The following THSD7A variants were observed in gnomAD, a reference collection of about 807,000 sequenced individuals.
The protein encoded by THSD7A is thrombospondin type 1 domain containing 7A.
In THSD7A, 96 loss-of-function variants were observed where a neutral mutation model predicts 231.3. The observed-to-expected ratio is 0.41, with a 90% CI of 0.35 to 0.49. THSD7A has a LOEUF of 0.49. Among genes scored for constraint, THSD7A ranks in the 20% least tolerant of loss-of-function variants. The pLI, the probability that THSD7A is intolerant of heterozygous loss-of-function variation, is 0.05. For synonymous variants in THSD7A, 940 were observed against 743.3 expected, an observed-to-expected ratio of 1.26 and a Z score of -4.30; for missense variants, 2,290 against 2,070.2, an observed-to-expected ratio of 1.11 and a Z score of -2.06.
chr7:11,474,499 A>C lies in THSD7A; in HGVS notation c.2087T>G (p.Val696Gly), dbSNP rs756014674. 2 of 1,613,610 alleles carry C rather than the reference A, an allele frequency of 1.2e-6. No homozygotes were observed. The highest frequency in any genetic ancestry group is 4.5e-5 in the East Asian group (2 of 44,820). ...VRSCNEHPCT[V>G]YHWQTGPWGQ... ...CCAGGGACCAGTTTGCCAGTGGTAC[A>C]CTGTGCAAGGATGCTCATTACAGCT... The change falls in exon 8 of 28, where the codon GTG (valine) becomes GGG (glycine). Residue 696 changes from valine (V) to glycine (G), a missense_variant. Val to Gly is a moderately radical substitution (Grantham distance 109, BLOSUM62 -3). Transcript: ENST00000423059. The surrounding 1 kb of genome is among the most constrained non-coding windows in gnomAD (Gnocchi z 4.1).
intron 1 of THSD7A, among the ~76,000 whole-genome samples, chr7:11,645,729 A>G (rs1526556): frequency 0.15 from 23,407 of 151,750 alleles, 1,952 homozygotes; most frequent in Admixed American, 0.21. Flanking sequence ...TTTCATATTT[A>G]TATAGTACAG....
chr7:11,565,626 G>A (rs1790277429), intron 4 of THSD7A, among the ~76,000 whole-genome samples: 1 of 152,074 alleles, frequency 6.6e-6, no homozygotes, highest in African/African-American at 2.4e-5. Flanking sequence ...GGGTTAGAGA[G>A]AGAAGAATCA....
chr7:11,578,452 A>T (rs1190225319), intron 4 of THSD7A, among the ~76,000 whole-genome samples: 2 of 152,210 alleles, frequency 1.3e-5, no homozygotes, highest in African/African-American at 4.8e-5. Context: ...CTGTCTTTTT[A>T]AAAGATATTT....
At chr7:11,531,880 A>G (rs1173460261) in intron 6 of THSD7A, among the ~76,000 whole-genome samples, 1 of 152,174 alleles carries the variant, frequency 6.6e-6, no homozygotes, top group Non-Finnish European at 1.5e-5. Context: ...TAGGAAACAG[A>G]GGAAGTAGCA....
chr7:11,619,629 C>A (rs1212839062), intron 2 of THSD7A, among the ~76,000 whole-genome samples: 1 of 151,866 alleles, frequency 6.6e-6, no homozygotes, highest in Non-Finnish European at 1.5e-5. Flanking sequence ...AGTATCTTGT[C>A]CAGGCTCGTC....
chr7:11,425,521 C>G (rs1784289051), intron 15 of THSD7A, among the ~76,000 whole-genome samples: 1 of 151,996 alleles, frequency 6.6e-6, no homozygotes, highest in South Asian at 2.1e-4. Flanking sequence ...TCCATAAAGC[C>G]TTTCAGTCCC....
intron 13 of THSD7A, among the ~76,000 whole-genome samples, chr7:11,429,534 C>T (rs961485050): frequency 2.6e-5 from 4 of 152,200 alleles, no homozygotes; most frequent in Admixed American, 6.5e-5. Flanking sequence ...GTCCATGCAA[C>T]GTTCTTTCTT....
At chr7:11,627,725 TTTTTGAATTATAA>T (rs1384183321) in intron 2 of THSD7A, among the ~76,000 whole-genome samples, 15 of 152,110 alleles carry the variant, frequency 9.9e-5, no homozygotes, top group Non-Finnish European at 1.9e-4. Context: ...AGTCAAGTTA[TTTTTGAATTATAA>T]TTTTGGTCAG....
At chr7:11,689,484 T>C (rs1438573726) in intron 1 of THSD7A, among the ~76,000 whole-genome samples, 1 of 151,638 alleles carries the variant, frequency 6.6e-6, no homozygotes, top group Non-Finnish European at 1.5e-5. Flanking sequence ...AAAGAAAGAG[T>C]CCATACTCCT....
chr7:11,413,687 G>C (rs532450984), intron 17 of THSD7A: 2 of 152,346 alleles, frequency 1.3e-5, no homozygotes, highest in African/African-American at 2.4e-5. Context: ...GGCTGGGAGA[G>C]GAGAGGAACC....
chr7:11,814,851 G>C lies in THSD7A; in HGVS notation c.190+16906C>G, dbSNP rs1412364819. 6.6e-6 allele frequency among the ~76,000 whole-genome samples: 1 copy of C among 152,122 alleles called. No homozygotes were observed. The highest frequency in any genetic ancestry group is 2.1e-4 in the South Asian group (1 of 4,828). On this transcript the variant is annotated intron_variant, in intron 1 of 27. Transcript: ENST00000423059. This position sits in a 1 kb window ranked among gnomAD's most constrained non-coding sequence, Gnocchi z 5.1. ...TCTCAAAAGAAGCTGTTTGATAAGA[G>C]TGATTGGATCTTCTGATCTTTGCTG...
At position 11,657,489 on chromosome 7, in the gene THSD7A, T is replaced by C. The variant is rs112806833; in HGVS notation, c.191-20528A>G. On this transcript the variant is annotated intron_variant, in intron 1 of 27. Transcript: ENST00000423059. ...TTACTATGGGTAAATCCTTGACTAA[T>C]ATACTCTTCAATGCCTAACTATAGG... Among the ~76,000 whole-genome samples the C allele has an allele frequency of 4.0e-3, 605 of 151,910 alleles. 4 individuals are homozygous for C. The highest frequency in any genetic ancestry group is 0.014 in the African/African-American group (564 of 41,510).
intron 6 of THSD7A, among the ~76,000 whole-genome samples, chr7:11,523,190 A>G: frequency 6.6e-6 from 1 of 152,258 alleles, no homozygotes; most frequent in Admixed American, 6.5e-5. Flanking sequence ...TTATATAAAA[A>G]CGATTCAACA....
chr7:11,680,077 C>CA (rs1271480415), intron 1 of THSD7A, among the ~76,000 whole-genome samples: 2,376 of 119,346 alleles, frequency 0.02, 32 homozygotes, highest in African/African-American at 0.047. Context: ...ACAAAACTGA[C>CA]AAAAAAAAAA....
At chr7:11,777,525 T>C (rs767068128) in intron 1 of THSD7A, among the ~76,000 whole-genome samples, 7 of 151,854 alleles carry the variant, frequency 4.6e-5, no homozygotes, top group African/African-American at 7.3e-5. Flanking sequence ...TTTAATATAA[T>C]TCAGAGTCTC....
rs2074601 is a variant in THSD7A, at chr7:11,593,134, G to C, written c.1271+120C>G. On this transcript the variant is annotated intron_variant, in intron 3 of 27. Transcript: ENST00000423059. ...AAAAAAAGTTTTTTTTAAGGATACT[G>C]TTTGTAAAGATATTTTTTATGTGTA... The C allele has an allele frequency of 1.3e-3, 1,774 of 1,365,412 alleles. 29 individuals are homozygous for C. The East Asian group carries it at 0.037, about 29-fold the overall frequency. The allele number at this position is 1,365,412 out of a possible 1,614,324, so 84.6% of individuals were successfully genotyped here.
intron 6 of THSD7A, among the ~76,000 whole-genome samples, chr7:11,537,705 G>C (rs1788971256): frequency 6.6e-6 from 1 of 152,136 alleles, no homozygotes; most frequent in Admixed American, 6.6e-5. Context: ...AAATTACTCA[G>C]CCTCAGGTAT....
chr7:11,388,468 T>G (rs1782851959), intron 23 of THSD7A, among the ~76,000 whole-genome samples: 1 of 152,202 alleles, frequency 6.6e-6, no homozygotes, highest in South Asian at 2.1e-4. Flanking sequence ...ATTTCCTATT[T>G]TATTTGTATA....
At chr7:11,472,533 T>G (rs1785978894) in intron 8 of THSD7A, among the ~76,000 whole-genome samples, 1 of 152,164 alleles carries the variant, frequency 6.6e-6, no homozygotes, top group South Asian at 2.1e-4. Context: ...AGAGGTAAAG[T>G]ACATCCATTT....
Sources: allele counts gnomAD v4.1 joint callset (sites outside exome capture counted in the v4.1 genomes callset), GRCh38; gene constraint gnomAD v4.1.1; non-coding constraint Gnocchi (gnomAD v3.1); transcripts MANE v1.5; gene names NCBI Gene and HGNC (gene_info 2026-07-23, HGNC 2026-07-21).